The following NDUFB9 variants were observed in gnomAD, a reference collection of about 807,000 sequenced individuals.
NDUFB9 encodes the protein NADH dehydrogenase [ubiquinone] 1 beta subcomplex subunit 9.
NDUFB9 carries 24 observed loss-of-function variants against 30.2 expected under a neutral mutation model. The ratio of observed to expected loss-of-function variants is 0.80; its 90% CI spans 0.58 to 1.12. The LOEUF (loss-of-function observed/expected upper bound fraction) is 1.12, where lower values mean the gene tolerates loss of function less well. Ranked by LOEUF, NDUFB9 falls within the 50% of genes most tolerant of loss-of-function variation. The pLI is 0.00. For missense variants in NDUFB9, 204 were observed against 226.0 expected (o/e 0.90, Z 0.62); for synonymous variants, 80 against 84.0 (o/e 0.95, Z 0.26).
At chr8:124,547,225 T>G in intron 3 of NDUFB9, 112 bp downstream of exon 3, 1 of 795,742 alleles carries the variant, frequency 1.3e-6, no homozygotes, top group Non-Finnish European at 2.2e-6. Flanking sequence ...GGGCCCTTGC[T>G]TCTCAGATAT....
chr8:124,539,393 G>A (rs1821821445), intron 1 of NDUFB9, 106 bp downstream of exon 1: 8 of 989,498 alleles, frequency 8.1e-6, no homozygotes, highest in South Asian at 7.9e-5. Flanking sequence ...AACGGAATTG[G>A]AAGGTGGCCT....
Position 124,539,260 on chromosome 8 carries a change from G to T in NDUFB9, c.74G>T (p.Arg25Leu), listed in dbSNP as rs763215805. 2 of 1,614,184 alleles carry T rather than the reference G, an allele frequency of 1.2e-6. No homozygotes were observed. Among genetic ancestry groups the T allele is most frequent in the Non-Finnish European group, 1.7e-6 (2 of 1,180,032 alleles). ...TTGCGGCTTTATAAGCGGGCGCTAC[G>T]CCACCTCGAGTCGTGGTGCGTCCAG... ...KVLRLYKRAL[R>L]HLESWCVQRD... is the part of the protein sequence containing the mutation. Residue 25 changes from arginine to leucine, a missense_variant, in exon 1 of 4, where the codon CGC becomes CTC. By Grantham distance (102) the Arg-to-Leu change is moderately radical. Coordinates refer to ENST00000276689, the MANE Select transcript of NDUFB9 (RefSeq NM_005005.3).
chr8:124,543,461 G>T (rs1822076972), intron 2 of NDUFB9, among the ~76,000 whole-genome samples, 182 bp downstream of exon 2: 1 of 152,190 alleles, frequency 6.6e-6, no homozygotes, highest in Non-Finnish European at 1.5e-5. Flanking sequence ...GGCAGATATT[G>T]TATTTTCACA....
At chr8:124,542,212 G>A (rs1018083666) in intron 1 of NDUFB9, among the ~76,000 whole-genome samples, 2 of 151,860 alleles carry the variant, frequency 1.3e-5, no homozygotes, top group Non-Finnish European at 2.9e-5. Flanking sequence ...CACCATGCCC[G>A]GCCTCATTTT....
At chr8:124,542,641 G>A (rs1822041264) in intron 1 of NDUFB9, among the ~76,000 whole-genome samples, 1 of 152,122 alleles carries the variant, frequency 6.6e-6, no homozygotes, top group Admixed American at 6.5e-5. Context: ...CTCTGTATGA[G>A]CTAAGCAATA....
At chr8:124,543,315 T>G in intron 2 of NDUFB9, 36 bp downstream of exon 2, 1 of 1,591,200 alleles carries the variant, frequency 6.3e-7, no homozygotes, top group Non-Finnish European at 8.6e-7. Context: ...TTCTGAGAAA[T>G]AGACTTTGTT....
intron 1 of NDUFB9, among the ~76,000 whole-genome samples, chr8:124,541,443 T>C (rs1053894787): frequency 6.6e-6 from 1 of 152,224 alleles, no homozygotes; most frequent in Non-Finnish European, 1.5e-5. Context: ...AAATTCTCTT[T>C]CCAGTATGAT....
At position 124,539,214 on chromosome 8, in the gene NDUFB9, C is replaced by A; in HGVS notation, c.28C>A (p.Leu10Met). 1 of 1,614,228 alleles carries A rather than the reference C, an allele frequency of 6.2e-7. No homozygotes were observed. The highest frequency in any genetic ancestry group is 8.5e-7 in the Non-Finnish European group (1 of 1,180,034). MAFLASGPY[L>M]THQQKVLRLY... ...GGCGTTCTTGGCGTCGGGACCCTAC[C>A]TGACCCATCAGCAAAAGGTGTTGCG... Residue 10 changes from leucine to methionine, a missense_variant, in exon 1 of 4, where the codon CTG (leucine) becomes ATG (methionine). Transcript: ENST00000276689.
intron 2 of NDUFB9, among the ~76,000 whole-genome samples, chr8:124,544,952 G>A (rs571958439): frequency 5.9e-5 from 9 of 152,248 alleles, no homozygotes; most frequent in South Asian, 4.1e-4. Flanking sequence ...GCTTTAACGG[G>A]GTTGGAAGAA....
intron 1 of NDUFB9, among the ~76,000 whole-genome samples, chr8:124,540,835 G>A (rs1821942960): frequency 6.6e-6 from 1 of 152,012 alleles, no homozygotes; most frequent in East Asian, 1.9e-4. Flanking sequence ...CACCACCTGC[G>A]CTCATTTGTC....
intron 1 of NDUFB9, chr8:124,539,565 A>G (rs1821841940): frequency 4.4e-6 from 2 of 453,666 alleles, no homozygotes; most frequent in Admixed American, 7.2e-5. Context: ...AATTAAGTGA[A>G]ATAAAGGAAA....
intron 1 of NDUFB9, 58 bp from the exon 2 acceptor site, chr8:124,543,029 C>A: frequency 6.3e-7 from 1 of 1,575,652 alleles, no homozygotes; most frequent in Non-Finnish European, 8.7e-7. Flanking sequence ...TGTCAGACAG[C>A]AACACTGACC....
intron 1 of NDUFB9, among the ~76,000 whole-genome samples, chr8:124,542,340 C>T (rs1290143082): frequency 6.6e-6 from 1 of 152,202 alleles, no homozygotes; most frequent in Non-Finnish European, 1.5e-5. Context: ...GTGTGAGCCA[C>T]CGCACCTGAC....
At chr8:124,545,856 T>C (rs1822144313) in intron 2 of NDUFB9, among the ~76,000 whole-genome samples, 2 of 152,076 alleles carry the variant, frequency 1.3e-5, no homozygotes, top group Admixed American at 1.3e-4. Flanking sequence ...TTATGTCTTT[T>C]TTTTGGTGGA....
At position 124,539,133 on chromosome 8, in the gene NDUFB9, A is replaced by C. The variant is rs957493142; in HGVS notation, c.-54A>C. Reference sequence around the variant, plus strand: ...CGGCTGGCCCCGCTCAGTCACCCGCAGCAGGCGTGCAGTTTCCCGGCTCTC... The same window carrying C: ...CGGCTGGCCCCGCTCAGTCACCCGCCGCAGGCGTGCAGTTTCCCGGCTCTC... On this transcript the variant is annotated 5_prime_UTR_variant, in exon 1 of 4. Coordinates refer to ENST00000276689, the MANE Select transcript of NDUFB9 (RefSeq NM_005005.3). The C allele has an allele frequency of 6.8e-6, 11 of 1,613,194 alleles. No homozygotes were observed. Among genetic ancestry groups the C allele is most frequent in the Admixed American group, 3.3e-5 (2 of 59,994 alleles).
chr8:124,543,038 C>T, intron 1 of NDUFB9, 49 bp from the exon 2 acceptor site: 1 of 1,592,948 alleles, frequency 6.3e-7, no homozygotes, highest in Non-Finnish European at 8.6e-7. Flanking sequence ...GCAACACTGA[C>T]CACGTGAGTA....
intron 3 of NDUFB9, 96 bp from the exon 4 acceptor site, chr8:124,549,665 C>T: frequency 8.7e-7 from 1 of 1,147,490 alleles, no homozygotes; most frequent in Non-Finnish European, 1.3e-6. Flanking sequence ...GTCAGTGACA[C>T]ACCATAGACA....
chr8:124,549,721 A>AAT (rs762528721), intron 3 of NDUFB9, 40 bp from the exon 4 acceptor site: 4 of 1,596,598 alleles, frequency 2.5e-6, no homozygotes, highest in Non-Finnish European at 3.4e-6. Flanking sequence ...ATAGTCAATT[A>AAT]GATTCCTTTG....
At position 124,546,415 on chromosome 8, in the gene NDUFB9, T is replaced by G. The variant is rs1029309338; in HGVS notation, c.295-585T>G. On this transcript the variant is annotated intron_variant, in intron 2 of 3. Coordinates refer to ENST00000276689, the MANE Select transcript of NDUFB9 (RefSeq NM_005005.3). ...TTATAGTATAGTATAAACAAAACTT[T>G]TATATGCACTGGGAAACCAAAAACA... 2.6e-5 allele frequency among the ~76,000 whole-genome samples: 4 copies of G among 152,218 alleles called. No individual in the cohort carries two copies. The South Asian group carries it at 8.3e-4, about 31-fold the overall frequency.
Sources: gnomAD v4.1 joint callset for allele counts (sites outside exome capture counted in the v4.1 genomes callset) on GRCh38, gnomAD v4.1.1 for gene constraint, MANE v1.5 for transcripts, NCBI Gene and HGNC (gene_info 2026-07-23, HGNC 2026-07-21) for gene names.